Variants in MYLK observed in about 807,000 individuals in gnomAD.
MYLK encodes myosin light chain kinase, smooth muscle.
Under a neutral mutation model 203.4 loss-of-function variants are expected in MYLK, and 106 were observed. The observed-to-expected ratio is 0.52, with a 90% CI of 0.45 to 0.61. MYLK has a LOEUF of 0.61. Among genes scored for constraint, MYLK ranks in the 20% least tolerant of loss-of-function variants. The pLI is 0.00. For synonymous variants in MYLK, 867 were observed against 959.5 expected, an observed-to-expected ratio of 0.90 and a Z score of 1.78; for missense variants, 2,072 against 2,442.3, an observed-to-expected ratio of 0.85 and a Z score of 3.20.
At position 123,735,492 on chromosome 3, in the gene MYLK, C is replaced by T. The variant is rs577308334; in HGVS notation, c.755-76G>A. On this transcript the variant is annotated intron_variant, in intron 8 of 33. Transcript: ENST00000360304. ...CCAAAATTTCCCTCCCCAGGCACTT[C>T]CTCATCACCGTGGTCCCACCCTGCT... 2.8e-5 allele frequency: 44 copies of T among 1,555,732 alleles called. No homozygotes were observed. In the African/African-American group the frequency reaches 5.3e-4, roughly 19 times the overall value.
chr3:123,882,536 T>C (rs1211506936), intron 1 of MYLK, among the ~76,000 whole-genome samples: 1 of 152,212 alleles, frequency 6.6e-6, no homozygotes, highest in Non-Finnish European at 1.5e-5. Context: ...CCAGCATAAA[T>C]GCTTCCCCAC....
chr3:123,844,437 T>C (rs980174883), intron 2 of MYLK, among the ~76,000 whole-genome samples: 7 of 152,178 alleles, frequency 4.6e-5, no homozygotes, highest in African/African-American at 1.7e-4. Context: ...AGAGTAAAAG[T>C]TGGCTCTGGG....
Position 123,666,200 on chromosome 3 carries a change from A to T in MYLK, c.3831+19T>A. The T allele has an allele frequency of 1.2e-6, 2 of 1,614,140 alleles. No individual in the cohort carries two copies. Among genetic ancestry groups the T allele is most frequent in the Non-Finnish European group, 1.7e-6 (2 of 1,180,024 alleles). ...ATTATTCCCAGCACCCCCAGTGCCC[A>T]CCCCATACCGTCACTGACCTGCTTT... On this transcript the variant is annotated intron_variant, in intron 22 of 33. Transcript: ENST00000360304.
At chr3:123,766,854 CCAA>C (rs1355692654) in intron 4 of MYLK, among the ~76,000 whole-genome samples, 1 of 152,234 alleles carries the variant, frequency 6.6e-6, no homozygotes, top group African/African-American at 2.4e-5. Context: ...GAAACACATA[CCAA>C]CAACCCTCCA....
chr3:123,690,330 T>C (rs974924274), intron 19 of MYLK, among the ~76,000 whole-genome samples: 19 of 152,228 alleles, frequency 1.2e-4, no homozygotes, highest in African/African-American at 4.1e-4. Flanking sequence ...ATGACTCCTT[T>C]TGAGAATTTG....
At chr3:123,639,453 G>T (rs1003090802) in intron 28 of MYLK, among the ~76,000 whole-genome samples, 1 of 152,166 alleles carries the variant, frequency 6.6e-6, no homozygotes, top group Non-Finnish European at 1.5e-5. Context: ...GTGAAATAAA[G>T]CCAGCTCACC....
In MYLK at chr3:123,788,389, CT is replaced by C. The variant is rs530318833; in HGVS notation, c.165+5287del. On this transcript the variant is annotated intron_variant, in intron 4 of 33. Coordinates refer to ENST00000360304, the MANE Select transcript of MYLK (RefSeq NM_053025.4). ...TCTTTTTTTTTTTGATTTGTTATTT[CT>C]TTTTTTTTTTAATTATACTTTAAGT... 1.7e-3 allele frequency among the ~76,000 whole-genome samples: 249 copies of C among 142,968 alleles called. 2 individuals carry two copies. Among genetic ancestry groups the C allele is most frequent in the African/African-American group, 4.4e-3 (172 of 39,202 alleles). The allele number at this position is 142,968 out of a possible 152,430, so 93.8% of individuals were successfully genotyped here. A position where few individuals can be genotyped will look rare whatever the true frequency, so the allele number is the denominator to read the frequency against.
At chr3:123,682,184 T>C in intron 20 of MYLK, 40 bp downstream of exon 20, 1 of 1,524,500 alleles carries the variant, frequency 6.6e-7, no homozygotes, top group Non-Finnish European at 9.0e-7. Flanking sequence ...TGCCTGCCCC[T>C]GCCTCTGCCT....
chr3:123,856,716 C>A (rs962665035), intron 2 of MYLK, among the ~76,000 whole-genome samples: 1 of 152,252 alleles, frequency 6.6e-6, no homozygotes, highest in East Asian at 1.9e-4. Context: ...ATATGACTCC[C>A]AAACCCAAAT....
At chr3:123,798,363 C>A (rs570286258) in intron 3 of MYLK, among the ~76,000 whole-genome samples, 2 of 152,264 alleles carry the variant, frequency 1.3e-5, no homozygotes, top group East Asian at 3.9e-4. Flanking sequence ...GGGAGTTGTA[C>A]AGAGGAAGAG....
chr3:123,747,259 G>A (rs1224519018), intron 5 of MYLK, among the ~76,000 whole-genome samples: 1 of 152,120 alleles, frequency 6.6e-6, no homozygotes, highest in Non-Finnish European at 1.5e-5. Context: ...CTTGTGACAG[G>A]GGGTCATTCT....
At chr3:123,698,296 T>C (rs1171930738) in intron 18 of MYLK, among the ~76,000 whole-genome samples, 1 of 152,160 alleles carries the variant, frequency 6.6e-6, no homozygotes, top group Non-Finnish European at 1.5e-5. Flanking sequence ...ATATTAAGAA[T>C]GATGCGAACT....
At chr3:123,721,548 G>T (rs2062087048) in intron 13 of MYLK, among the ~76,000 whole-genome samples, 1 of 152,118 alleles carries the variant, frequency 6.6e-6, no homozygotes, top group African/African-American at 2.4e-5. Context: ...CCAGGCTGCT[G>T]ATGTGTAAAA....
At chr3:123,819,452 T>G (rs2065849932) in intron 3 of MYLK, among the ~76,000 whole-genome samples, 1 of 152,180 alleles carries the variant, frequency 6.6e-6, no homozygotes. Context: ...CTGTTGTGAA[T>G]CATAAAGTCC....
intron 24 of MYLK, among the ~76,000 whole-genome samples, chr3:123,653,814 A>T (rs1428804394): frequency 6.6e-6 from 1 of 152,148 alleles, no homozygotes; most frequent in East Asian, 1.9e-4. Flanking sequence ...TTTACACCAT[A>T]GCACAGACCT....
chr3:123,723,523 T>A (rs2062168007), intron 12 of MYLK, among the ~76,000 whole-genome samples: 1 of 152,238 alleles, frequency 6.6e-6, no homozygotes, highest in South Asian at 2.1e-4. Flanking sequence ...GCCGCCAATG[T>A]GTCTCTTCTG....
chr3:123,659,582 C>T (rs902811127), intron 23 of MYLK: 8 of 427,260 alleles, frequency 1.9e-5, no homozygotes, highest in Non-Finnish European at 3.8e-5. Flanking sequence ...GGAGGCCTCC[C>T]ACTCCTCCAC....
chr3:123,708,691 G>A lies in MYLK; in HGVS notation c.2140+7C>T. The stretch of plus-strand genomic sequence containing the variant: ...CTTCCCACTCGCTCTGAGTGGGTCA[G>A]CCTCACCTTGTACCGTGAGCACGGC... On this transcript the variant is annotated splice_region_variant and intron_variant, in intron 15 of 33. Transcript: ENST00000360304. 6.2e-7 allele frequency: 1 copy of A among 1,614,006 alleles called. No homozygotes were observed.
chr3:123,627,865 T>G (rs2058226909), intron 30 of MYLK, among the ~76,000 whole-genome samples: 1 of 152,192 alleles, frequency 6.6e-6, no homozygotes, highest in African/African-American at 2.4e-5. Context: ...GGTGAATCCA[T>G]TTTATGAGCA....
Sources: allele counts gnomAD v4.1 joint callset (sites outside exome capture counted in the v4.1 genomes callset), GRCh38; gene constraint gnomAD v4.1.1; transcripts MANE v1.5; gene names NCBI Gene and HGNC (gene_info 2026-07-23, HGNC 2026-07-21).